The following CRB1 variants were observed in gnomAD, a reference collection of about 807,000 sequenced individuals.
CRB1 encodes the protein protein crumbs homolog 1.
In CRB1, 83 loss-of-function variants were observed where a neutral mutation model predicts 120.0. The ratio of observed to expected loss-of-function variants is 0.69; its 90% CI spans 0.58 to 0.83. CRB1 has a LOEUF of 0.83. CRB1 is among the 40% of genes least tolerant of loss of function. The pLI is 0.00. For missense variants in CRB1, 1,699 were observed against 1,687.6 expected (o/e 1.01, Z -0.12); for synonymous variants, 625 against 612.5 (o/e 1.02, Z -0.30).
chr1:197,239,804 CTA>C, the CRB1 span, among the ~76,000 whole-genome samples: 10 of 149,340 alleles, frequency 6.7e-5, no homozygotes, highest in African/African-American at 2.5e-4. Context: ...TTTAATATCT[CTA>C]TAGTATTTTT....
chr1:197,275,461 T>G (rs115564441), intron 1 of CRB1, among the ~76,000 whole-genome samples: 2,289 of 152,162 alleles, frequency 0.015, 56 homozygotes, highest in African/African-American at 0.048. Flanking sequence ...CAAGAGACAT[T>G]ATATCGATAT....
At chr1:197,474,033 G>T (rs1667099362) in intron 11 of CRB1, among the ~76,000 whole-genome samples, 1 of 152,168 alleles carries the variant, frequency 6.6e-6, no homozygotes. Context: ...TATTAGGTTT[G>T]TAGGTTGGCT....
chr1:197,406,238 T>C (rs928234713), intron 5 of CRB1, among the ~76,000 whole-genome samples: 1 of 152,158 alleles, frequency 6.6e-6, no homozygotes, highest in African/African-American at 2.4e-5. Flanking sequence ...CTAAGAAAAA[T>C]TCTTCTGCCT....
rs1426006136 is a variant in CRB1, at chr1:197,434,964, G to A, written c.3101G>A (p.Trp1034Ter). ...TTGCAGTCAGTGAATGATGGCACAT[G>A]GCACGAAGTGACCCTTTCCATGACA... ...TSLQSVNDGT[W>*]HEVTLSMTDP... Residue 1034 changes from tryptophan to a stop codon, truncating the protein, a stop_gained, in exon 9 of 12, where the codon TGG (tryptophan) becomes TAG (stop). Transcript: ENST00000367400. LOFTEE classifies it high-confidence loss of function. The A allele has an allele frequency of 6.2e-7, 1 of 1,613,836 alleles. No homozygotes were observed. The highest frequency in any genetic ancestry group is 8.5e-7 in the Non-Finnish European group (1 of 1,179,896).
chr1:197,330,090 T>C (rs1369435329), intron 2 of CRB1, among the ~76,000 whole-genome samples: 1 of 152,180 alleles, frequency 6.6e-6, no homozygotes, highest in Admixed American at 6.5e-5. Context: ...CATTTTACTT[T>C]TAAACATTCT....
rs111818337 is a variant in CRB1, at chr1:197,385,400, T to A, written c.1171+28387T>A. Among the ~76,000 whole-genome samples, 289 of 152,276 alleles carry A rather than the reference T, an allele frequency of 1.9e-3. 1 individual carries two copies. Among genetic ancestry groups the A allele is most frequent in the African/African-American group, 6.6e-3 (275 of 41,570 alleles). On this transcript the variant is annotated intron_variant, in intron 5 of 11. Coordinates refer to ENST00000367400, the MANE Select transcript of CRB1 (RefSeq NM_201253.3). ...TTTGATATTCTATCAGGAAACTATA[T>A]GTCTAATATGTAAGAATATATGTCT... is the stretch of plus-strand genomic sequence containing the variant.
At chr1:197,411,258 CA>C (rs1663698030) in intron 5 of CRB1, among the ~76,000 whole-genome samples, 1 of 152,116 alleles carries the variant, frequency 6.6e-6, no homozygotes, top group Admixed American at 6.5e-5. Flanking sequence ...TCCTTTGCCC[CA>C]GATACTATCA....
At chr1:197,476,577 C>T (rs1462802820) in intron 11 of CRB1, among the ~76,000 whole-genome samples, 3 of 151,978 alleles carry the variant, frequency 2.0e-5, no homozygotes, top group African/African-American at 7.3e-5. Flanking sequence ...GAGTAGATCC[C>T]AGACAATACT....
the CRB1 span, among the ~76,000 whole-genome samples, chr1:197,246,551 A>G: frequency 5.3e-5 from 8 of 151,980 alleles, no homozygotes; most frequent in South Asian, 6.2e-4. Flanking sequence ...TATTTATTGC[A>G]TATAAAATGT....
chr1:197,453,665 C>G (rs2125535191), intron 11 of CRB1, among the ~76,000 whole-genome samples: 1 of 146,232 alleles, frequency 6.8e-6, no homozygotes, highest in South Asian at 2.1e-4. Context: ...CAGCCTCAAA[C>G]TTCTAGGTTC....
At position 197,328,440 on chromosome 1, in the gene CRB1, A is replaced by C. The variant is rs774842265; in HGVS notation, c.89A>C (p.Asn30Thr). 2 of 1,613,662 alleles carry C rather than the reference A, an allele frequency of 1.2e-6. No individual in the cohort carries two copies. Among genetic ancestry groups the C allele is most frequent in the East Asian group, 2.2e-5 (1 of 44,888 alleles). ...CTTGTAGATTCCTTTTGCAATAAAA[A>C]CAACACCAGGTGCCTCTCAAATTCT... ...IYIKNSFCNK[N>T]NTRCLSNSCQ... The change falls in exon 2 of 12, where the codon AAC (asparagine) becomes ACC (threonine). Residue 30 changes from asparagine (N) to threonine (T), a missense_variant. Asn to Thr is a moderately conservative substitution (Grantham distance 65). Transcript: ENST00000367400.
At chr1:197,463,357 T>C (rs1666614083) in intron 11 of CRB1, among the ~76,000 whole-genome samples, 1 of 151,660 alleles carries the variant, frequency 6.6e-6, no homozygotes, top group Non-Finnish European at 1.5e-5. Context: ...ACATGCAAAG[T>C]CCAAAAAAAA....
At chr1:197,401,660 C>A (rs569259317) in intron 5 of CRB1, among the ~76,000 whole-genome samples, 2 of 152,172 alleles carry the variant, frequency 1.3e-5, no homozygotes, top group African/African-American at 4.8e-5. Context: ...TAATAATCTG[C>A]CCACTAATAT....
At chr1:197,325,713 G>GA (rs952218310) in intron 1 of CRB1, among the ~76,000 whole-genome samples, 8 of 151,374 alleles carry the variant, frequency 5.3e-5, no homozygotes, top group Admixed American at 2.0e-4. Flanking sequence ...ACAGTTTGAG[G>GA]AAAAAAAACA....
chr1:197,378,199 C>A (rs1291999111), intron 5 of CRB1, among the ~76,000 whole-genome samples: 1 of 152,138 alleles, frequency 6.6e-6, no homozygotes, highest in Non-Finnish European at 1.5e-5. Flanking sequence ...TTGGCACATG[C>A]GAAACCATCA....
chr1:197,203,296 C>G, the CRB1 span, among the ~76,000 whole-genome samples: 1 of 151,970 alleles, frequency 6.6e-6, no homozygotes, highest in African/African-American at 2.4e-5. Flanking sequence ...GAGAATAAAC[C>G]AAGTATGCTT....
the CRB1 span, among the ~76,000 whole-genome samples, chr1:197,252,613 T>TGTGTGTGA: frequency 9.2e-4 from 102 of 111,118 alleles, no homozygotes; most frequent in African/African-American, 3.0e-3. Flanking sequence ...TGTGTGTGTG[T>TGTGTGTGA]GATATATATA....
the CRB1 span, among the ~76,000 whole-genome samples, chr1:197,232,805 T>A: frequency 1.2e-4 from 19 of 152,152 alleles, no homozygotes; most frequent in Non-Finnish European, 2.6e-4. Context: ...AAGATAAATA[T>A]ACAAACATTT....
chr1:197,419,847 C>T (rs111918515), intron 5 of CRB1, among the ~76,000 whole-genome samples: 37,842 of 149,570 alleles, frequency 0.25, 5,984 homozygotes, highest in Non-Finnish European at 0.34. Context: ...TGGTGGCGGG[C>T]GCCTGTAGTC....
Sources: gnomAD v4.1 joint callset for allele counts (sites outside exome capture counted in the v4.1 genomes callset) on GRCh38, gnomAD v4.1.1 for gene constraint, MANE v1.5 for transcripts, NCBI Gene and HGNC (gene_info 2026-07-23, HGNC 2026-07-21) for gene names.